TYROBP: variants seen among roughly 807,000 people sequenced by gnomAD.
The protein encoded by TYROBP is transmembrane immune signaling adaptor TYROBP.
In TYROBP, 14 loss-of-function variants were observed where a neutral mutation model predicts 17.1. The ratio of observed to expected loss-of-function variants is 0.82; its 90% confidence interval spans 0.54 to 1.28. TYROBP has a LOEUF of 1.28. Ranked by LOEUF, TYROBP falls within the 50% of genes most tolerant of loss-of-function variation. TYROBP has a pLI of 0.00. For synonymous variants in TYROBP, 73 were observed against 67.4 expected (o/e 1.08, Z -0.41); for missense variants, 161 against 151.4 (o/e 1.06, Z -0.33).
chr19:35,908,110 C>T (rs949467350), intron 1 of TYROBP, 58 bp downstream of exon 1: 12 of 1,496,896 alleles, frequency 8.0e-6, no homozygotes, highest in Non-Finnish European at 1.1e-5. Context: ...CCACTCCCTG[C>T]CCTGCCCCAA....
intron 4 of TYROBP, among the ~76,000 whole-genome samples, chr19:35,906,119 CTTT>C (rs533744083): frequency 5.0e-5 from 7 of 140,316 alleles, no homozygotes; most frequent in South Asian, 2.4e-4. Context: ...AGACCCCTGT[CTTT>C]TTTTTTTTTT....
intron 1 of TYROBP, 32 bp downstream of exon 1, chr19:35,908,136 C>A (rs1349309059): frequency 6.2e-7 from 1 of 1,607,000 alleles, no homozygotes; most frequent in Admixed American, 1.7e-5. Context: ...GCCCAGGGAC[C>A]CGGGAGGCAG....
intron 1 of TYROBP, 33 bp from the exon 2 acceptor site, chr19:35,907,795 A>G (rs1343909906): frequency 3.1e-6 from 5 of 1,611,604 alleles, no homozygotes; most frequent in East Asian, 4.5e-5. Context: ...ACTGAGGCAC[A>G]GAGTTATGAC....
intron 4 of TYROBP, among the ~76,000 whole-genome samples, chr19:35,905,071 G>C (rs1369201458): frequency 1.3e-5 from 2 of 151,846 alleles, no homozygotes; most frequent in Non-Finnish European, 2.9e-5. Context: ...CTCTGTCACT[G>C]TGTCCCCAGC....
Position 35,907,876 on chromosome 19 carries a change from G to C in TYROBP, c.62-114C>G, listed in dbSNP as rs897449956. 5.1e-5 allele frequency: 58 copies of C among 1,136,654 alleles called. 1 individual carries two copies. Among genetic ancestry groups the C allele is most frequent in the South Asian group, 4.0e-4 (31 of 76,746 alleles). The allele number at this position is 1,136,654 out of a possible 1,614,324, so 70.4% of individuals were successfully genotyped here. On this transcript the variant is annotated intron_variant, in intron 1 of 4. Coordinates refer to ENST00000262629, the MANE Select transcript of TYROBP (RefSeq NM_003332.4). The stretch of plus-strand genomic sequence containing the variant: ...ACAGCCAAGAGGTTAGCAAGGGGGA[G>C]AGCGTGTCTGGCGGGACTCAGGGGG...
intron 3 of TYROBP, 48 bp downstream of exon 3, chr19:35,907,398 C>A (rs1283159122): frequency 6.3e-7 from 1 of 1,596,502 alleles, no homozygotes; most frequent in Admixed American, 1.7e-5. Context: ...CAGCCCCCCA[C>A]CCCCATCTAG....
intron 4 of TYROBP, 93 bp from the exon 5 acceptor site, chr19:35,904,727 C>T: frequency 1.8e-6 from 2 of 1,137,370 alleles, no homozygotes; most frequent in Non-Finnish European, 2.6e-6. Flanking sequence ...GCTTCTTCAG[C>T]CTTATAGCCA....
In TYROBP at chr19:35,906,388, CA is replaced by C. The variant is rs78480298; in HGVS notation, c.276+829del. ...ACAGGTGTGTGCCACCATGCCTGGC[CA>C]AAAAAAAATTTTTTTTAATTATAAA... On this transcript the variant is annotated intron_variant, in intron 4 of 4. Coordinates refer to ENST00000262629, the MANE Select transcript of TYROBP (RefSeq NM_003332.4). 7.5e-3 allele frequency among the ~76,000 whole-genome samples: 1,141 copies of C among 151,308 alleles called. 13 individuals are homozygous for C. The highest frequency in any genetic ancestry group is 0.026 in the African/African-American group (1,054 of 41,264).
chr19:35,907,756 C>T lies in TYROBP; in HGVS notation c.68G>A (p.Arg23His), dbSNP rs79272253. The stretch of plus-strand genomic sequence containing the variant: ...GCTCTGGGCCTGGGCCTGGACAGGA[C>T]GGAGACCTGAGGAGGAAAAAGAAGG... ...LPLLLAVSGL[R>H]PVQAQAQSDC... is the part of the protein sequence containing the mutation. Residue 23 changes from arginine (R) to histidine (H), a missense_variant, in exon 2 of 5, where the codon CGT becomes CAT. Arg to His is a conservative substitution (Grantham distance 29). Coordinates refer to ENST00000262629, the MANE Select transcript of TYROBP (RefSeq NM_003332.4). 542 of 1,613,390 alleles carry T rather than the reference C, an allele frequency of 3.4e-4. 6 individuals carry two copies. In the East Asian group the frequency reaches 0.011, roughly 33 times the overall value.
Position 35,904,413 on chromosome 19 carries a change from T to C in TYROBP, c.*156A>G. 1 of 876,280 alleles carries C rather than the reference T, an allele frequency of 1.1e-6. No homozygotes were observed. The highest frequency in any genetic ancestry group is 1.9e-6 in the Non-Finnish European group (1 of 540,110). The allele number at this position is 876,280 out of a possible 1,614,324, so 54.3% of individuals were successfully genotyped here. A position where few individuals can be genotyped will look rare whatever the true frequency, so the allele number is the denominator to read the frequency against. On this transcript the variant is annotated 3_prime_UTR_variant, in exon 5 of 5. Coordinates refer to ENST00000262629, the MANE Select transcript of TYROBP (RefSeq NM_003332.4). ...GGATCTGGCATAATGTTTTTGTGCT[T>C]CATGTTTATTTTAGGAGAGTATTGG... is the stretch of plus-strand genomic sequence containing the variant.
chr19:35,906,196 T>C (rs1975720868), intron 4 of TYROBP, among the ~76,000 whole-genome samples: 1 of 151,086 alleles, frequency 6.6e-6, no homozygotes, highest in Non-Finnish European at 1.5e-5. Context: ...GTTCAAGCGA[T>C]TCTCTTGCCT....
chr19:35,906,228 T>G (rs1030245741), intron 4 of TYROBP, among the ~76,000 whole-genome samples: 1 of 151,366 alleles, frequency 6.6e-6, no homozygotes, highest in Non-Finnish European at 1.5e-5. Flanking sequence ...GAAGCTGGAA[T>G]TACAGGCGCA....
intron 4 of TYROBP, among the ~76,000 whole-genome samples, chr19:35,905,652 T>TAAAAAAAA (rs753977412): frequency 1.5e-5 from 2 of 136,144 alleles, no homozygotes; most frequent in East Asian, 2.1e-4. Context: ...ATCTCTACTT[T>TAAAAAAAA]AAAAAAAAAA....
Position 35,907,433 on chromosome 19 carries a change from T to C in TYROBP, c.229+13A>G, listed in dbSNP as rs376287189. 5.6e-6 allele frequency: 9 copies of C among 1,598,318 alleles called. No individual in the cohort carries two copies. The African/African-American group carries it at 1.2e-4, about 21-fold the overall frequency. ...GGCAAGTCCTCAGGATGTCCCCTGC[T>C]AGCCCCACTCACCCTCCGCAGCCCC... On this transcript the variant is annotated intron_variant, in intron 3 of 4. Coordinates refer to ENST00000262629, the MANE Select transcript of TYROBP (RefSeq NM_003332.4).
chr19:35,904,952 C>T (rs1975686090), intron 4 of TYROBP, among the ~76,000 whole-genome samples: 1 of 145,100 alleles, frequency 6.9e-6, no homozygotes, highest in African/African-American at 2.8e-5. Context: ...CCCCCACACT[C>T]CAGCCACTGT....
At chr19:35,904,770 C>A in intron 4 of TYROBP, 136 bp from the exon 5 acceptor site, 1 of 771,524 alleles carries the variant, frequency 1.3e-6, no homozygotes, top group South Asian at 1.6e-5. Context: ...CAAGTACATT[C>A]AATGTTCCCC....
At chr19:35,907,377 G>A (rs1461692973) in intron 3 of TYROBP, 69 bp downstream of exon 3, 2 of 1,605,342 alleles carry the variant, frequency 1.2e-6, no homozygotes, top group African/African-American at 1.3e-5. Flanking sequence ...TTTGAGATCT[G>A]GGAGTTTACC....
chr19:35,907,149 T>C, intron 4 of TYROBP, 69 bp downstream of exon 4: 7 of 1,471,252 alleles, frequency 4.8e-6, no homozygotes, highest in Non-Finnish European at 6.5e-6. Context: ...TCTGATGGCA[T>C]GAAGGAGTAT....
intron 4 of TYROBP, 62 bp downstream of exon 4, chr19:35,907,156 G>A (rs1162961245): frequency 6.7e-7 from 1 of 1,493,394 alleles, no homozygotes; most frequent in African/African-American, 1.4e-5. Flanking sequence ...GCATGAAGGA[G>A]TATCTGGGGC....
Sources: allele counts gnomAD v4.1 joint callset (sites outside exome capture counted in the v4.1 genomes callset), GRCh38; gene constraint gnomAD v4.1.1; transcripts MANE v1.5; gene names NCBI Gene and HGNC (gene_info 2026-07-23, HGNC 2026-07-21).